The following CDK16 variants were observed in gnomAD, a reference collection of about 807,000 sequenced individuals.
CDK16 encodes cyclin-dependent kinase 16.
CDK16 carries 2 observed loss-of-function variants against 41.6 expected under a neutral mutation model. The observed-to-expected ratio is 0.05, with a 90% CI of 0.02 to 0.15. CDK16 has a LOEUF of 0.15. CDK16 is among the 10% of genes least tolerant of loss of function. The pLI is 1.00. For synonymous variants in CDK16, 169 were observed against 169.7 expected (o/e 1.00, Z 0.03); for missense variants, 228 against 428.9 (o/e 0.53, Z 4.14).
rs777234720 is a variant in CDK16 at position 47,226,566 on chromosome X, C to T, written c.917-17C>T. ...CCATGACTCCCTCATTCTAGCTGTC[C>T]TTTCTCTGATTTCCAGGCCTGGCCC... is the stretch of plus-strand genomic sequence containing the variant. On this transcript the variant is annotated splice_polypyrimidine_tract_variant and intron_variant, in intron 9 of 15. Coordinates refer to ENST00000357227, the MANE Select transcript of CDK16 (RefSeq NM_006201.5). 15 of 1,208,675 alleles carry T rather than the reference C, an allele frequency of 1.2e-5. No individual in the cohort carries two copies. In the East Asian group the frequency reaches 3.8e-4, roughly 31 times the overall value.
At position 47,226,244 on chromosome X, in the gene CDK16, TC is replaced by T. The variant is rs1196308267; in HGVS notation, c.793-34del. 5 of 1,206,359 alleles carry T rather than the reference TC, an allele frequency of 4.1e-6. No individual in the cohort carries two copies. The African/African-American group carries it at 8.8e-5, about 21-fold the overall frequency. On this transcript the variant is annotated intron_variant, in intron 8 of 15. Transcript: ENST00000357227. ...TGCTGGGGGTCGGGCTAGTGGATAG[TC>T]TTTGACCTCTGCCTGCCATTCCTGG...
chrX:47,221,520 C>G (rs147728809), intron 1 of CDK16, among the ~76,000 whole-genome samples: 1 of 110,973 alleles, frequency 9.0e-6, no homozygotes, highest in African/African-American at 3.3e-5. Context: ...AGTTAGAGGT[C>G]GTGGACCCAT....
At chrX:47,219,363 T>G (rs1937231753) in intron 1 of CDK16, among the ~76,000 whole-genome samples, 1 of 96,892 alleles carries the variant, frequency 1.0e-5, no homozygotes, top group African/African-American at 3.9e-5. Flanking sequence ...GGTGTGGAAA[T>G]GGGTGACAAT....
At position 47,228,628 on chromosome X, in the gene CDK16, G is replaced by A. The variant is rs773922508; in HGVS notation, c.1437G>A (p.Ser479=). 31 of 1,208,775 alleles carry A rather than the reference G, an allele frequency of 2.6e-5. No homozygotes were observed. The South Asian group carries it at 4.4e-4, about 17-fold the overall frequency. The part of the protein sequence containing the change: ...QLQKEASLRS[S]SMPDSGRPAF... ...AAAAGGAGGCCAGCCTTCGGTCTTC[G>A]TCGATGCCTGACTCAGGTAGGTATA... The change falls in exon 15 of 16, where the codon TCG becomes TCA. Residue 479 remains serine, a synonymous_variant. Transcript: ENST00000357227.
At chrX:47,218,493 C>A, upstream of CDK16, 1 of 766,773 alleles carries the variant, frequency 1.3e-6, no homozygotes, top group Non-Finnish European at 1.8e-6. Flanking sequence ...GGTTACTGGC[C>A]ACTGCTCACC....
Position 47,229,577 on chromosome X carries a change from C to G in CDK16, c.*809C>G, listed in dbSNP as rs1310105897. ...TGGGAAATGGACAAGGTGGGGGGCC[C>G]CACTCTTTCTCTCCTGCAGTCCCGT... On this transcript the variant is annotated 3_prime_UTR_variant, in exon 16 of 16. Transcript: ENST00000357227. The G allele has an allele frequency of 4.5e-6, 1 of 221,486 alleles. No individual in the cohort carries two copies. The highest frequency in any genetic ancestry group is 8.5e-6 in the Non-Finnish European group (1 of 118,280). The allele number at this position is 221,486 out of a possible 1,213,427, so 18.3% of individuals were successfully genotyped here. A position where few individuals can be genotyped will look rare whatever the true frequency, so the allele number is the denominator to read the frequency against.
chrX:47,226,290 C>A lies in CDK16; in HGVS notation c.804C>A (p.Phe268Leu), dbSNP rs1253953540. ...TCCTGGGTCCCCAGCTGTTCCTGTT[C>A]CAGCTGCTCCGTGGCCTGGCCTACT... ...INMHNVKLFL[F>L]QLLRGLAYCH... is the part of the protein sequence containing the mutation. Residue 268 changes from phenylalanine (F) to leucine (L), a missense_variant, in exon 9 of 16, where the codon TTC (phenylalanine) becomes TTA (leucine). Phe to Leu is a conservative substitution (Grantham distance 22, BLOSUM62 0). Coordinates refer to ENST00000357227, the MANE Select transcript of CDK16 (RefSeq NM_006201.5). 8.3e-7 allele frequency: 1 copy of A among 1,208,611 alleles called. No individual in the cohort carries two copies. The highest frequency in any genetic ancestry group is 1.1e-6 in the Non-Finnish European group (1 of 894,651).
intron 14 of CDK16, chrX:47,227,735 T>TA: frequency 2.7e-6 from 1 of 366,188 alleles, no homozygotes; most frequent in Non-Finnish European, 4.7e-6. Context: ...TTACATGTGC[T>TA]AAAAAATGCA....
intron 1 of CDK16, chrX:47,222,887 A>AC (rs747428782): frequency 1.4e-4 from 35 of 251,077 alleles, no homozygotes; most frequent in Admixed American, 9.3e-4. Context: ...GTACACTGAG[A>AC]CCCCCCCGCC....
Position 47,229,766 on chromosome X carries a change from G to A in CDK16, c.*998G>A, listed in dbSNP as rs773979585. The A allele has an allele frequency of 8.1e-6, 1 of 123,271 alleles. No homozygotes were observed. The highest frequency in any genetic ancestry group is 3.2e-5 in the African/African-American group (1 of 31,033). 10.2% of individuals were successfully genotyped at this position (123,271 alleles called of 1,213,427 possible). A position where few individuals can be genotyped will look rare whatever the true frequency, so the allele number is the denominator to read the frequency against. On this transcript the variant is annotated 3_prime_UTR_variant, in exon 16 of 16. Coordinates refer to ENST00000357227, the MANE Select transcript of CDK16 (RefSeq NM_006201.5). ...GGGTTGGGGGAGGGGGGTGTGAGGG[G>A]TTGTGCCCAGGTGTTGCCCCCTATC...
At chrX:47,219,285 T>A (rs1189965673) in intron 1 of CDK16, among the ~76,000 whole-genome samples, 180 bp downstream of exon 1, 1 of 110,674 alleles carries the variant, frequency 9.0e-6, no homozygotes, top group Non-Finnish European at 1.9e-5. Context: ...CCTGGGCCTG[T>A]CCTGGGAGCT....
chrX:47,221,785 T>C (rs1390854463), intron 1 of CDK16, among the ~76,000 whole-genome samples: 1 of 112,214 alleles, frequency 8.9e-6, no homozygotes, highest in Non-Finnish European at 1.9e-5. Context: ...GAGGTCTTTC[T>C]GCTAGGGTGG....
chrX:47,223,058 A>C (rs1569225025), intron 1 of CDK16: 1 of 1,150,073 alleles, frequency 8.7e-7, no homozygotes, highest in Non-Finnish European at 1.2e-6. Flanking sequence ...CACAGGGAAT[A>C]GTCTGCCTTG....
intron 11 of CDK16, 37 bp downstream of exon 11, chrX:47,226,946 A>G: frequency 1.7e-6 from 2 of 1,201,820 alleles, no homozygotes; most frequent in Non-Finnish European, 2.3e-6. Context: ...GTGGAGACAC[A>G]CGGGGAGGAC....
rs763128447 is a variant in CDK16 at position 47,224,317 on chromosome X, G to A, written c.203-68G>A. 6 of 1,083,761 alleles carry A rather than the reference G, an allele frequency of 5.5e-6. No homozygotes were observed. The African/African-American group carries it at 7.5e-5, about 13-fold the overall frequency. The allele number at this position is 1,083,761 out of a possible 1,213,427, so 89.3% of individuals were successfully genotyped here. On this transcript the variant is annotated intron_variant, in intron 2 of 15. Transcript: ENST00000357227. The stretch of plus-strand genomic sequence containing the variant: ...CATGTGTGATGATGGAATATGTTTC[G>A]TGGGGGATGGGGTGTCCTGTGGTTC...
chrX:47,228,277 A>ATAT (rs2055271315), intron 14 of CDK16: 16 of 273,618 alleles, frequency 5.8e-5, no homozygotes, highest in Non-Finnish European at 8.3e-5. Flanking sequence ...CACTGGATTA[A>ATAT]TATATAAAGC....
intron 6 of CDK16, 25 bp from the exon 7 acceptor site, chrX:47,225,747 T>G: frequency 1.8e-6 from 2 of 1,133,087 alleles, no homozygotes; most frequent in Non-Finnish European, 2.4e-6. Flanking sequence ...ACTCTTCCCC[T>G]GTCCCACTCC....
chrX:47,219,498 C>A (rs1275620887), intron 1 of CDK16, among the ~76,000 whole-genome samples: 1 of 105,529 alleles, frequency 9.5e-6, no homozygotes, highest in Admixed American at 1.0e-4. Context: ...GGGTGCGGAG[C>A]GGGTGAGGGA....
Position 47,228,716 on chromosome X carries a change from TG to T in CDK16, c.1454-14del. ...CTTACCCACCAACAGCCATCTGCTC[TG>T]CTTTCCCCCACAGGCAGGCCAGCTT... On this transcript the variant is annotated splice_polypyrimidine_tract_variant and intron_variant, in intron 15 of 15. Transcript: ENST00000357227. 5 of 1,209,891 alleles carry T rather than the reference TG, an allele frequency of 4.1e-6. No individual in the cohort carries two copies. Among genetic ancestry groups the T allele is most frequent in the Non-Finnish European group, 5.6e-6 (5 of 894,085 alleles).
Sources: allele counts gnomAD v4.1 joint callset (sites outside exome capture counted in the v4.1 genomes callset), GRCh38; gene constraint gnomAD v4.1.1; transcripts MANE v1.5; gene names NCBI Gene and HGNC (gene_info 2026-07-23, HGNC 2026-07-21).